Variants in ZNF131 observed in about 807,000 individuals in gnomAD.
ZNF131 encodes the protein zinc finger protein 131.
A neutral mutation model predicts 60.0 loss-of-function variants in ZNF131; 7 were observed. The ratio of observed to expected loss-of-function variants is 0.12; its 90% confidence interval spans 0.07 to 0.22. The LOEUF is 0.22. Among genes scored for constraint, ZNF131 ranks in the 10% least tolerant of loss-of-function variants. ZNF131 has a pLI of 1.00. For missense variants in ZNF131, 493 were observed against 740.9 expected, an observed-to-expected ratio of 0.67 and a Z score of 3.88; for synonymous variants, 257 against 253.2, an observed-to-expected ratio of 1.01 and a Z score of -0.14.
intron 3 of ZNF131, chr5:43,124,679 G>A (rs1744282949): frequency 6.6e-6 from 1 of 152,122 alleles, no homozygotes; most frequent in Non-Finnish European, 1.5e-5. Context: ...TATTAAATAT[G>A]TGACCCCAGG....
chr5:43,160,093 G>A (rs1030276738), intron 4 of ZNF131, among the ~76,000 whole-genome samples: 1 of 149,778 alleles, frequency 6.7e-6, no homozygotes, highest in African/African-American at 2.5e-5. Context: ...GGAGAATGGC[G>A]TGAACCTGGG....
chr5:43,134,693 CTTTTTTTT>C (rs149464238), intron 3 of ZNF131, among the ~76,000 whole-genome samples: 3 of 88,408 alleles, frequency 3.4e-5, no homozygotes, highest in Non-Finnish European at 6.1e-5. Flanking sequence ...TTCTTTTTTT[CTTTTTTTT>C]TTTTTTTTTT....
intron 5 of ZNF131, among the ~76,000 whole-genome samples, chr5:43,170,031 C>T (rs1750792441): frequency 6.6e-6 from 1 of 152,100 alleles, no homozygotes; most frequent in South Asian, 2.1e-4. Context: ...ACCTTGTGAT[C>T]TGCCTGCCTC....
At chr5:43,167,561 G>A (rs1750516672) in intron 5 of ZNF131, among the ~76,000 whole-genome samples, 2 of 152,096 alleles carry the variant, frequency 1.3e-5, no homozygotes, top group African/African-American at 4.8e-5. Flanking sequence ...TTGGTTTCTT[G>A]TATGTTCATA....
At chr5:43,140,892 ATT>A (rs1441320591) in intron 4 of ZNF131, among the ~76,000 whole-genome samples, 4 of 151,826 alleles carry the variant, frequency 2.6e-5, no homozygotes, top group African/African-American at 9.7e-5. Context: ...AAATTTTCGT[ATT>A]TTTAGTAGAG....
chr5:43,138,635 G>GTGAAACT (rs1746430736), intron 3 of ZNF131, among the ~76,000 whole-genome samples: 2 of 152,112 alleles, frequency 1.3e-5, no homozygotes, highest in Admixed American at 6.6e-5. Context: ...GGCAACAAGA[G>GTGAAACT]TGAAACTCCA....
chr5:43,167,446 TAACA>T (rs1750504021), intron 5 of ZNF131, among the ~76,000 whole-genome samples: 2 of 152,186 alleles, frequency 1.3e-5, no homozygotes, highest in South Asian at 2.1e-4. Context: ...TTTTTCCTTG[TAACA>T]AACTGTGAAG....
In ZNF131 at chr5:43,161,946, C is replaced by G; in HGVS notation, c.1054+15C>G. On this transcript the variant is annotated intron_variant, in intron 5 of 6. Transcript: ENST00000682664. ...AAAACATACAGGTAATGAGCAAATACTTTGTTAAAATTTTTTTTTCCCACA... is the reference window on the plus strand; with the variant it reads ...AAAACATACAGGTAATGAGCAAATAGTTTGTTAAAATTTTTTTTTCCCACA... 6.5e-7 allele frequency: 1 copy of G among 1,545,140 alleles called. No homozygotes were observed. Among genetic ancestry groups the G allele is most frequent in the Non-Finnish European group, 8.7e-7 (1 of 1,149,582 alleles).
intron 3 of ZNF131, among the ~76,000 whole-genome samples, chr5:43,138,423 C>G (rs529282659): frequency 6.6e-6 from 1 of 151,924 alleles, no homozygotes. Context: ...GGAGGCTGAT[C>G]GGGCAGATCA....
chr5:43,165,012 G>C (rs757743025), intron 5 of ZNF131, among the ~76,000 whole-genome samples: 2 of 152,086 alleles, frequency 1.3e-5, no homozygotes, highest in Admixed American at 1.3e-4. Flanking sequence ...GTACAGTGGC[G>C]CGATCATGGC....
chr5:43,122,220 T>G, intron 2 of ZNF131, 43 bp downstream of exon 2: 1 of 1,575,784 alleles, frequency 6.3e-7, no homozygotes. Flanking sequence ...TTGGCTTCAG[T>G]TTTTTTCTGT....
intron 4 of ZNF131, among the ~76,000 whole-genome samples, chr5:43,161,003 A>G (rs548133971): frequency 1.3e-5 from 2 of 152,152 alleles, no homozygotes; most frequent in Admixed American, 1.3e-4. Context: ...TCCCCCATAA[A>G]AATCAGTTGA....
intron 4 of ZNF131, chr5:43,143,282 A>C: frequency 1.2e-6 from 1 of 869,500 alleles, no homozygotes; most frequent in Non-Finnish European, 1.5e-6. Flanking sequence ...CTGCCTCCCA[A>C]AGTGCTGGGA....
At chr5:43,162,320 G>A (rs772395653) in intron 5 of ZNF131, among the ~76,000 whole-genome samples, 4 of 152,134 alleles carry the variant, frequency 2.6e-5, no homozygotes, top group African/African-American at 4.8e-5. Flanking sequence ...AGCCAGGCGC[G>A]GTGGCTCATG....
chr5:43,140,865 C>T (rs1190595933), intron 4 of ZNF131, among the ~76,000 whole-genome samples: 1 of 151,988 alleles, frequency 6.6e-6, no homozygotes, highest in Non-Finnish European at 1.5e-5. Flanking sequence ...TTACAGGTGC[C>T]TGCCACCATG....
chr5:43,128,672 A>G (rs936114796), intron 3 of ZNF131, among the ~76,000 whole-genome samples: 1 of 151,386 alleles, frequency 6.6e-6, no homozygotes, highest in East Asian at 1.9e-4. Context: ...AAAAAAAAAA[A>G]AAAAACACAC....
rs1198529292 is a variant in ZNF131, at chr5:43,139,392, T to C, written c.371+83T>C. 3.8e-6 allele frequency: 5 copies of C among 1,316,422 alleles called. No individual in the cohort carries two copies. In the African/African-American group the frequency reaches 6.0e-5, roughly 16 times the overall value. The allele number at this position is 1,316,422 out of a possible 1,614,324, so 81.5% of individuals were successfully genotyped here. A position where few individuals can be genotyped will look rare whatever the true frequency, so the allele number is the denominator to read the frequency against. On this transcript the variant is annotated intron_variant, in intron 4 of 6. Coordinates refer to ENST00000682664, the MANE Select transcript of ZNF131 (RefSeq NM_001330707.2). ...AGTGAAGAACTTACAGTATGTGTCATGCCATGAAGAACAGAGTTCTTCAGA... is the reference window on the plus strand; with the variant it reads ...AGTGAAGAACTTACAGTATGTGTCACGCCATGAAGAACAGAGTTCTTCAGA...
chr5:43,155,659 AAGT>A (rs1748871515), intron 4 of ZNF131, among the ~76,000 whole-genome samples: 1 of 152,190 alleles, frequency 6.6e-6, no homozygotes, highest in Non-Finnish European at 1.5e-5. Context: ...AGAAAGGAGA[AAGT>A]AGAATGCCTA....
intron 5 of ZNF131, among the ~76,000 whole-genome samples, chr5:43,165,152 C>T (rs1006444591): frequency 6.6e-6 from 1 of 150,716 alleles, no homozygotes; most frequent in Non-Finnish European, 1.5e-5. Flanking sequence ...GGTTTCACCA[C>T]GTTGCCTAGG....
Sources: allele counts gnomAD v4.1 joint callset (sites outside exome capture counted in the v4.1 genomes callset), GRCh38; gene constraint gnomAD v4.1.1; transcripts MANE v1.5; gene names NCBI Gene and HGNC (gene_info 2026-07-23, HGNC 2026-07-21).